BNC2: variants seen among roughly 807,000 people sequenced by gnomAD.
BNC2 encodes zinc finger protein basonuclin-2.
A neutral mutation model predicts 76.3 loss-of-function variants in BNC2; 20 were observed. The observed-to-expected ratio is 0.26, with a 90% CI of 0.18 to 0.38. The LOEUF (loss-of-function observed/expected upper bound fraction) is 0.38. Among genes scored for constraint, BNC2 ranks in the 10% least tolerant of loss-of-function variants. The pLI is 1.00. For synonymous variants in BNC2, 582 were observed against 514.8 expected (o/e 1.13, Z -1.77); for missense variants, 1,382 against 1,399.8 (o/e 0.99, Z 0.20).
chr9:16,437,131 G>A lies in BNC2; in HGVS notation c.1063C>T (p.Pro355Ser). 3 of 1,614,186 alleles carry A rather than the reference G, an allele frequency of 1.9e-6. No homozygotes were observed. The highest frequency in any genetic ancestry group is 2.5e-6 in the Non-Finnish European group (3 of 1,180,038). ...TATTCATTCTGAGTTGAAAGGCTGG[G>A]TTCCCGCAGCCTCAACCCTGGTTGC... ...LEQPGLRLREPSLSTQNEYNE... is the reference protein window; with the variant it reads ...LEQPGLRLRESSLSTQNEYNE... The change falls in exon 6 of 7, where the codon CCC becomes TCC. Residue 355 changes from proline to serine, a missense_variant. Physicochemically the swap from Pro to Ser is moderately conservative, Grantham distance 74. Transcript: ENST00000380672.
intron 1 of BNC2, among the ~76,000 whole-genome samples, chr9:16,806,266 A>G (rs1231534412): frequency 5.3e-5 from 8 of 152,186 alleles, no homozygotes; most frequent in Non-Finnish European, 4.4e-5. Context: ...ACTTGAGCCC[A>G]AGGGTTCAAG....
intron 3 of BNC2, among the ~76,000 whole-genome samples, chr9:16,593,730 G>C (rs1007731676): frequency 3.3e-5 from 5 of 151,776 alleles, no homozygotes; most frequent in African/African-American, 1.2e-4. Context: ...AGGCTACTTA[G>C]GCAGCTGTAA....
chr9:16,425,710 A>G (rs1437168917), intron 6 of BNC2, among the ~76,000 whole-genome samples: 1 of 152,236 alleles, frequency 6.6e-6, no homozygotes. Context: ...GTAACTCTGA[A>G]GACGTTAGTG....
At chr9:16,422,511 T>C (rs1228795549) in intron 6 of BNC2, among the ~76,000 whole-genome samples, 2 of 152,214 alleles carry the variant, frequency 1.3e-5, no homozygotes, top group African/African-American at 2.4e-5. Context: ...GCAACCACAG[T>C]TCAAGAGAAT....
chr9:16,601,554 C>T (rs1463306646), intron 3 of BNC2, among the ~76,000 whole-genome samples: 1 of 152,166 alleles, frequency 6.6e-6, no homozygotes, highest in Non-Finnish European at 1.5e-5. Flanking sequence ...GAAAGCAGAG[C>T]TTCTCAGAGG....
intron 1 of BNC2, among the ~76,000 whole-genome samples, chr9:16,753,592 A>C (rs572326128): frequency 2.0e-5 from 3 of 152,212 alleles, no homozygotes; most frequent in Non-Finnish European, 2.9e-5. Context: ...AACAGACTCA[A>C]GTTTTTAACA....
intron 2 of BNC2, among the ~76,000 whole-genome samples, chr9:16,733,279 T>C (rs1587362248): frequency 6.6e-6 from 1 of 152,194 alleles, no homozygotes; most frequent in Non-Finnish European, 1.5e-5. Flanking sequence ...CAAATTTCCA[T>C]ATTCCTGAGG....
chr9:16,477,894 G>A (rs1821960811), intron 5 of BNC2, among the ~76,000 whole-genome samples: 1 of 152,038 alleles, frequency 6.6e-6, no homozygotes, highest in African/African-American at 2.4e-5. Flanking sequence ...CTCCGGTGGG[G>A]GTACCTGGCC....
intron 2 of BNC2, among the ~76,000 whole-genome samples, chr9:16,732,279 T>A (rs1824534477): frequency 6.6e-6 from 1 of 151,918 alleles, no homozygotes; most frequent in Non-Finnish European, 1.5e-5. Flanking sequence ...GTTTGTAGGG[T>A]GTTTTCTTTG....
intron 1 of BNC2, among the ~76,000 whole-genome samples, chr9:16,757,472 G>C (rs1825418582): frequency 2.0e-5 from 3 of 152,142 alleles, no homozygotes; most frequent in Admixed American, 6.5e-5. Context: ...GCAATTTCTT[G>C]ACAACTGTCG....
At chr9:16,774,396 T>C (rs2135486936) in intron 1 of BNC2, among the ~76,000 whole-genome samples, 1 of 152,308 alleles carries the variant, frequency 6.6e-6, no homozygotes, top group Non-Finnish European at 1.5e-5. Context: ...CCAATGACAG[T>C]TTCGATTCCA....
At chr9:16,524,028 C>T (rs1020526559) in intron 5 of BNC2, among the ~76,000 whole-genome samples, 10 of 152,154 alleles carry the variant, frequency 6.6e-5, no homozygotes, top group African/African-American at 2.4e-4. Context: ...AACAAAACAC[C>T]ACCATATGAG....
chr9:16,652,142 T>C (rs2133957851), intron 3 of BNC2, among the ~76,000 whole-genome samples: 1 of 152,328 alleles, frequency 6.6e-6, no homozygotes. Flanking sequence ...AATGTAAATC[T>C]GTTTTGGATG....
chr9:16,697,801 G>C (rs1823382998), intron 3 of BNC2, among the ~76,000 whole-genome samples: 1 of 151,832 alleles, frequency 6.6e-6, no homozygotes, highest in Non-Finnish European at 1.5e-5. Flanking sequence ...CTAGGCTTCA[G>C]GAGTAGGAGC....
intron 3 of BNC2, among the ~76,000 whole-genome samples, chr9:16,700,851 C>T (rs990779184): frequency 3.3e-5 from 5 of 152,070 alleles, no homozygotes; most frequent in East Asian, 1.9e-4. Flanking sequence ...CCTGTAATCG[C>T]GGTTATTTGG....
rs1426511020 is a variant in BNC2, at chr9:16,863,450, T to C, written c.3+7196A>G. On this transcript the variant is annotated intron_variant, in intron 1 of 6. Transcript: ENST00000380672. ...TGGGATCACACTGTAATCCCAGCAC[T>C]TTGGGAGGCCGAGGCCAGTGGATCA... is the stretch of plus-strand genomic sequence containing the variant. 1.3e-4 allele frequency among the ~76,000 whole-genome samples: 20 copies of C among 152,162 alleles called. No homozygotes were observed. In the East Asian group the frequency reaches 3.9e-3, roughly 29 times the overall value.
At chr9:16,543,523 A>C (rs540347991) in intron 5 of BNC2, among the ~76,000 whole-genome samples, 59 of 152,316 alleles carry the variant, frequency 3.9e-4, no homozygotes, top group South Asian at 1.2e-3. Flanking sequence ...GGGGGAATGC[A>C]AAAGCCTCTT....
At chr9:16,502,534 G>C (rs1271702602) in intron 5 of BNC2, among the ~76,000 whole-genome samples, 1 of 151,238 alleles carries the variant, frequency 6.6e-6, no homozygotes, top group Non-Finnish European at 1.5e-5. Flanking sequence ...TTTCCACACT[G>C]TTTTGTTTTG....
chr9:16,682,078 G>A (rs916090860), intron 3 of BNC2, among the ~76,000 whole-genome samples: 2 of 151,880 alleles, frequency 1.3e-5, no homozygotes, highest in African/African-American at 4.8e-5. Context: ...TGTTGTGGAT[G>A]TATCTGTGAA....
Sources: allele counts gnomAD v4.1 joint callset (sites outside exome capture counted in the v4.1 genomes callset), GRCh38; gene constraint gnomAD v4.1.1; transcripts MANE v1.5; gene names NCBI Gene and HGNC (gene_info 2026-07-23, HGNC 2026-07-21).